TOX: variants seen among roughly 807,000 people sequenced by gnomAD.
TOX encodes the protein thymocyte selection associated high mobility group box, also known as thymocyte selection-associated high mobility group box protein TOX.
In TOX, 11 loss-of-function variants were observed where a neutral mutation model predicts 53.7. That is an observed-to-expected ratio of 0.20 (90% CI 0.13 to 0.34). TOX has a LOEUF of 0.34. Ranked by LOEUF, TOX falls within the 10% of genes least tolerant of loss-of-function variation. The pLI, the probability that TOX is intolerant of heterozygous loss-of-function variation, is 1.00. For synonymous variants in TOX, 225 were observed against 245.3 expected, an observed-to-expected ratio of 0.92 and a Z score of 0.77; for missense variants, 570 against 664.6, an observed-to-expected ratio of 0.86 and a Z score of 1.56.
chr8:58,920,717 AC>A (rs1464783724), intron 3 of TOX, among the ~76,000 whole-genome samples: 51 of 48,456 alleles, frequency 1.1e-3, no homozygotes, highest in Admixed American at 2.4e-3. Flanking sequence ...TAAAAAAAAA[AC>A]ATTAAAAAAA....
chr8:59,090,518 T>C (rs1804591449), intron 1 of TOX, among the ~76,000 whole-genome samples: 1 of 152,146 alleles, frequency 6.6e-6, no homozygotes, highest in African/African-American at 2.4e-5. Flanking sequence ...CTGATATTAT[T>C]ATAGCAAAAT....
chr8:59,071,133 G>T (rs1256430570), intron 1 of TOX, among the ~76,000 whole-genome samples: 1 of 152,164 alleles, frequency 6.6e-6, no homozygotes, highest in Non-Finnish European at 1.5e-5. Flanking sequence ...ACATGGGGCG[G>T]GTATCTATTA....
chr8:58,871,172 C>CAAAA (rs36036067), intron 3 of TOX, among the ~76,000 whole-genome samples: 2 of 70,446 alleles, frequency 2.8e-5, no homozygotes, highest in African/African-American at 4.7e-5. Flanking sequence ...AGAAGCCAGT[C>CAAAA]AAAAAAAAAA....
At chr8:58,973,289 G>A (rs1372236079) in intron 1 of TOX, among the ~76,000 whole-genome samples, 1 of 152,180 alleles carries the variant, frequency 6.6e-6, no homozygotes, top group East Asian at 1.9e-4. Flanking sequence ...CAATGAACCT[G>A]CATTTGTAAC....
At chr8:58,868,723 A>C (rs1456312300) in intron 3 of TOX, among the ~76,000 whole-genome samples, 1 of 152,112 alleles carries the variant, frequency 6.6e-6, no homozygotes, top group African/African-American at 2.4e-5. Context: ...ATATATAAGA[A>C]AAGAAGATCC....
At chr8:59,053,615 G>A (rs2129421441) in intron 1 of TOX, among the ~76,000 whole-genome samples, 1 of 152,228 alleles carries the variant, frequency 6.6e-6, no homozygotes, top group East Asian at 1.9e-4. Flanking sequence ...ATTTCAAACA[G>A]CTTTATAGTA....
chr8:58,994,423 C>CAT (rs1554536894), intron 1 of TOX, among the ~76,000 whole-genome samples: 1 of 119,664 alleles, frequency 8.4e-6, no homozygotes, highest in African/African-American at 2.6e-5. Flanking sequence ...TGTGTGTGCG[C>CAT]GCGCGCATGT....
intron 1 of TOX, among the ~76,000 whole-genome samples, chr8:59,033,003 C>T (rs1814387328): frequency 6.8e-6 from 1 of 146,488 alleles, no homozygotes; most frequent in Admixed American, 6.9e-5. Context: ...CATTGCACTC[C>T]ATCCTGGGCC....
intron 1 of TOX, among the ~76,000 whole-genome samples, chr8:59,021,494 A>ATATATT (rs1554539862): frequency 4.0e-5 from 5 of 124,864 alleles, no homozygotes; most frequent in East Asian, 2.3e-4. Context: ...ATATATATAT[A>ATATATT]TATATGCACA....
At chr8:58,947,571 T>C (rs1812544328) in intron 2 of TOX, among the ~76,000 whole-genome samples, 1 of 152,140 alleles carries the variant, frequency 6.6e-6, no homozygotes, top group Middle Eastern at 3.2e-3. Flanking sequence ...GATATGGTTA[T>C]TTGCATAAGT....
At chr8:59,086,991 A>C (rs1804523349) in intron 1 of TOX, among the ~76,000 whole-genome samples, 1 of 152,220 alleles carries the variant, frequency 6.6e-6, no homozygotes, top group Non-Finnish European at 1.5e-5. Context: ...TTATATCTGC[A>C]GAGAGAAGCT....
rs1034438000 is a variant in TOX, at chr8:58,854,597, A to G, written c.412-2792T>C. ...CTGGGTAAGGATGGTGAAGTACTCAAGAGGGTACCTCTCTTTCCACAGTCT... is the reference window on the plus strand; with the variant it reads ...CTGGGTAAGGATGGTGAAGTACTCAGGAGGGTACCTCTCTTTCCACAGTCT... On this transcript the variant is annotated intron_variant, in intron 3 of 8. Coordinates refer to ENST00000361421, the MANE Select transcript of TOX (RefSeq NM_014729.3). 2.6e-4 allele frequency among the ~76,000 whole-genome samples: 40 copies of G among 152,236 alleles called. 1 individual carries two copies. The highest frequency in any genetic ancestry group is 3.4e-3 in the Middle Eastern group (1 of 294).
intron 4 of TOX, among the ~76,000 whole-genome samples, chr8:58,848,447 C>T (rs1024877028): frequency 2.0e-5 from 3 of 151,966 alleles, no homozygotes; most frequent in Non-Finnish European, 4.4e-5. Flanking sequence ...CATTTAACTA[C>T]ACGAAATTTA....
intron 1 of TOX, among the ~76,000 whole-genome samples, chr8:59,104,626 T>A (rs527288966): frequency 1.2e-3 from 177 of 152,358 alleles, no homozygotes; most frequent in African/African-American, 4.2e-3. Flanking sequence ...GAAGTATGCT[T>A]GCATCTCCAC....
chr8:59,047,564 A>G (rs1406268300), intron 1 of TOX, among the ~76,000 whole-genome samples: 5 of 144,338 alleles, frequency 3.5e-5, no homozygotes, highest in African/African-American at 5.1e-5. Flanking sequence ...CTCATCAGAG[A>G]TTTTTTTTTT....
At chr8:58,833,645 C>A (rs1810500807) in intron 5 of TOX, among the ~76,000 whole-genome samples, 1 of 152,182 alleles carries the variant, frequency 6.6e-6, no homozygotes, top group African/African-American at 2.4e-5. Flanking sequence ...AACATCACAG[C>A]AATACTTATG....
intron 3 of TOX, among the ~76,000 whole-genome samples, chr8:58,889,222 A>C (rs958307770): frequency 3.3e-5 from 5 of 151,002 alleles, no homozygotes; most frequent in Admixed American, 6.6e-5. Context: ...CAAAAAAAAA[A>C]AAAAAAAAAA....
At chr8:58,872,908 CAT>C (rs1160483740) in intron 3 of TOX, among the ~76,000 whole-genome samples, 2 of 152,066 alleles carry the variant, frequency 1.3e-5, no homozygotes, top group African/African-American at 4.8e-5. Flanking sequence ...AATTGTGACA[CAT>C]ATATCATACT....
intron 7 of TOX, among the ~76,000 whole-genome samples, chr8:58,808,646 C>G (rs890034635): frequency 3.3e-5 from 5 of 152,222 alleles, no homozygotes; most frequent in African/African-American, 1.2e-4. Context: ...AGTTAATCCC[C>G]AGAATATGCA....
Sources: allele counts gnomAD v4.1 joint callset (sites outside exome capture counted in the v4.1 genomes callset), GRCh38; gene constraint gnomAD v4.1.1; transcripts MANE v1.5; gene names NCBI Gene and HGNC (gene_info 2026-07-23, HGNC 2026-07-21).